The following IFI44L variants were observed in gnomAD, a reference collection of about 807,000 sequenced individuals.
IFI44L encodes interferon induced protein 44 like.
IFI44L carries 40 observed loss-of-function variants against 39.3 expected under a neutral mutation model. That is an observed-to-expected ratio of 1.02 (90% CI 0.79 to 1.33). The LOEUF (loss-of-function observed/expected upper bound fraction) is 1.33, where lower values mean the gene tolerates loss of function less well. Ranked by LOEUF, IFI44L falls within the 40% of genes most tolerant of loss-of-function variation. The probability of loss-of-function intolerance (pLI) is 0.00; values close to 1 mark genes in which losing one functional copy is unlikely to be tolerated. For missense variants in IFI44L, 623 were observed against 549.0 expected (o/e 1.13, Z -1.35); for synonymous variants, 198 against 182.3 (o/e 1.09, Z -0.69).
intron 6 of IFI44L, among the ~76,000 whole-genome samples, chr1:78,638,904 T>G (rs1423547324): frequency 2.0e-5 from 3 of 152,128 alleles, no homozygotes; most frequent in Non-Finnish European, 4.4e-5. Context: ...CTTCGATATT[T>G]TAGGTACTTT....
chr1:78,638,908 G>T (rs1653049296), intron 6 of IFI44L, among the ~76,000 whole-genome samples: 1 of 152,040 alleles, frequency 6.6e-6, no homozygotes, highest in Non-Finnish European at 1.5e-5. Context: ...GATATTTTAG[G>T]TACTTTATTT....
chr1:78,636,599 C>A (rs1231398590), intron 5 of IFI44L: 1 of 152,720 alleles, frequency 6.5e-6, no homozygotes, highest in East Asian at 1.9e-4. Context: ...AAATTACAGT[C>A]TTTTAATTTA....
chr1:78,627,929 C>A lies in IFI44L; in HGVS notation c.14C>A (p.Thr5Lys). The change falls in exon 2 of 9, where the codon ACA becomes AAA. Residue 5 changes from threonine to lysine, a missense_variant. Physicochemically the swap from Thr to Lys is moderately conservative, Grantham distance 78. Coordinates refer to ENST00000370751, the MANE Select transcript of IFI44L (RefSeq NM_006820.4). MEVT[T>K]RLTWNDENHL... ...AGATATAGAACAATGGAAGTGACAA[C>A]AAGATTGACATGGAATGATGAAAAT... The A allele has an allele frequency of 6.3e-7, 1 of 1,593,626 alleles. No homozygotes were observed.
At chr1:78,640,159 T>G (rs1570368262) in intron 6 of IFI44L, among the ~76,000 whole-genome samples, 2 of 152,146 alleles carry the variant, frequency 1.3e-5, no homozygotes, top group East Asian at 3.9e-4. Context: ...CAAGGATGTA[T>G]GGCAACACAT....
In IFI44L at chr1:78,641,881, GA is replaced by G; in HGVS notation, c.*73del. 2 of 1,504,532 alleles carry G rather than the reference GA, an allele frequency of 1.3e-6. No individual in the cohort carries two copies. The highest frequency in any genetic ancestry group is 9.3e-7 in the Non-Finnish European group (1 of 1,080,588). The allele number at this position is 1,504,532 out of a possible 1,614,324, so 93.2% of individuals were successfully genotyped here. ...GCCGCAATGAGAGTCAATCTCTATT[GA>G]CAGCCTGCTTCAGATTTTGCTTTTG... On this transcript the variant is annotated 3_prime_UTR_variant, in exon 9 of 9. Transcript: ENST00000370751.
intron 6 of IFI44L, among the ~76,000 whole-genome samples, chr1:78,639,702 A>G (rs970975683): frequency 6.6e-6 from 1 of 152,102 alleles, no homozygotes; most frequent in Non-Finnish European, 1.5e-5. Context: ...AAGAGGGAAA[A>G]GTGTGTCTAC....
At chr1:78,627,836 G>A (rs2100481635) in intron 1 of IFI44L, 70 bp from the exon 2 acceptor site, 1 of 846,600 alleles carries the variant, frequency 1.2e-6, no homozygotes, top group Non-Finnish European at 1.6e-6. Flanking sequence ...ACTGAAAGTA[G>A]AAGTGGAAAC....
intron 6 of IFI44L, among the ~76,000 whole-genome samples, chr1:78,640,179 C>T (rs930222844): frequency 2.6e-5 from 4 of 152,020 alleles, no homozygotes; most frequent in Admixed American, 1.3e-4. Flanking sequence ...TTGTCCTTGG[C>T]GTGCTGGATG....
At chr1:78,631,145 T>C (rs1022303452) in intron 4 of IFI44L, among the ~76,000 whole-genome samples, 2 of 152,172 alleles carry the variant, frequency 1.3e-5, no homozygotes, top group African/African-American at 4.8e-5. Context: ...GCAAATGTTA[T>C]TTAAATTGAA....
At chr1:78,639,434 C>T (rs1570367363) in intron 6 of IFI44L, among the ~76,000 whole-genome samples, 1 of 152,036 alleles carries the variant, frequency 6.6e-6, no homozygotes, top group East Asian at 1.9e-4. Context: ...TCCTTTTTCT[C>T]ATGCTTTGAC....
chr1:78,623,739 G>A, intron 1 of IFI44L, among the ~76,000 whole-genome samples: 1 of 152,040 alleles, frequency 6.6e-6, no homozygotes, highest in South Asian at 2.1e-4. Flanking sequence ...GGAACTGTGG[G>A]AACTGAGAGA....
rs111336413 is a variant in IFI44L, at chr1:78,645,522, G to A, written c.*3713G>A. 10 of 151,552 alleles carry A rather than the reference G, an allele frequency of 6.6e-5. No homozygotes were observed. Among genetic ancestry groups the A allele is most frequent in the African/African-American group, 2.2e-4 (9 of 40,900 alleles). 9.4% of individuals were successfully genotyped at this position (151,552 alleles called of 1,614,324 possible). The stretch of plus-strand genomic sequence containing the variant: ...AATTTATTTTGACGCAAATTGATAG[G>A]GGGGCCAAGTAAGCCCCATATGCTT... On this transcript the variant is annotated 3_prime_UTR_variant, in exon 9 of 9. Transcript: ENST00000370751.
chr1:78,639,328 G>A (rs145581783), intron 6 of IFI44L, among the ~76,000 whole-genome samples: 102 of 152,184 alleles, frequency 6.7e-4, no homozygotes, highest in African/African-American at 2.4e-3. Context: ...TTGGGAAAGG[G>A]AAGGACATAT....
At chr1:78,636,913 G>C (rs1177127777) in intron 5 of IFI44L, 119 bp from the exon 6 acceptor site, 1 of 705,130 alleles carries the variant, frequency 1.4e-6, no homozygotes, top group African/African-American at 1.9e-5. Flanking sequence ...TTTGGGGAAA[G>C]AGTAGCTGAG....
chr1:78,621,335 G>A (rs963726243), intron 1 of IFI44L, among the ~76,000 whole-genome samples: 5 of 152,224 alleles, frequency 3.3e-5, no homozygotes, highest in Admixed American at 2.0e-4. Context: ...GCAGTGTCTC[G>A]ATGTCGGCTC....
rs1652576642 is a variant in IFI44L, at chr1:78,628,245, GC to G, written c.331del (p.Gln111AsnfsTer22). On this transcript the variant is annotated frameshift_variant, in exon 2 of 9. Coordinates refer to ENST00000370751, the MANE Select transcript of IFI44L (RefSeq NM_006820.4). LOFTEE classifies it high-confidence loss of function. ...LNTAPKIIDE[Q>X]LVCRLSKTDI... ...ATACAGCACCAAAAATTATTGATGA[GC>G]AACTGGTGTGTCGTTTATCGAAAAC... 3 of 1,611,912 alleles carry G rather than the reference GC, an allele frequency of 1.9e-6. No homozygotes were observed. In the African/African-American group the frequency reaches 4.0e-5, roughly 22 times the overall value.
At position 78,629,105 on chromosome 1, in the gene IFI44L, T is replaced by C. The variant is rs187140080; in HGVS notation, c.527+106T>C. The stretch of plus-strand genomic sequence containing the variant: ...GATAAAAATCATGCCACTGGAATGA[T>C]TAAAAAAGAGTTATAATGTTATTGA... On this transcript the variant is annotated intron_variant, in intron 3 of 8. Coordinates refer to ENST00000370751, the MANE Select transcript of IFI44L (RefSeq NM_006820.4). The C allele has an allele frequency of 1.9e-4, 147 of 761,616 alleles. No homozygotes were observed. In the East Asian group the frequency reaches 2.0e-3, roughly 10 times the overall value. 47.2% of individuals were successfully genotyped at this position (761,616 alleles called of 1,614,324 possible). A position where few individuals can be genotyped will look rare whatever the true frequency, so the allele number is the denominator to read the frequency against.
rs1482447659 is a variant in IFI44L, at chr1:78,644,606, C to G, written c.*2797C>G. 1 of 152,040 alleles carries G rather than the reference C, an allele frequency of 6.6e-6. No individual in the cohort carries two copies. Among genetic ancestry groups the G allele is most frequent in the East Asian group, 1.9e-4 (1 of 5,188 alleles). 9.4% of individuals were successfully genotyped at this position (152,040 alleles called of 1,614,324 possible). A position where few individuals can be genotyped will look rare whatever the true frequency, so the allele number is the denominator to read the frequency against. ...GATTTCCCTGATCTTTTTCTACCAC[C>G]CTGAGGGGTGGTGGGAATTATCATT... On this transcript the variant is annotated 3_prime_UTR_variant, in exon 9 of 9. Coordinates refer to ENST00000370751, the MANE Select transcript of IFI44L (RefSeq NM_006820.4).
rs1321471071 is a variant in IFI44L, at chr1:78,643,419, G to A, written c.*1610G>A. The A allele has an allele frequency of 6.6e-6, 1 of 152,058 alleles. No individual in the cohort carries two copies. The highest frequency in any genetic ancestry group is 1.5e-5 in the Non-Finnish European group (1 of 68,016). 9.4% of individuals were successfully genotyped at this position (152,058 alleles called of 1,614,324 possible). ...ACACACCAATATACCAAAACAGCAG[G>A]TATTGCAGTAGAGAAAGAGTTTAAT... On this transcript the variant is annotated 3_prime_UTR_variant, in exon 9 of 9. Transcript: ENST00000370751.
Sources: gnomAD v4.1 joint callset for allele counts (sites outside exome capture counted in the v4.1 genomes callset) on GRCh38, gnomAD v4.1.1 for gene constraint, MANE v1.5 for transcripts, NCBI Gene and HGNC (gene_info 2026-07-23, HGNC 2026-07-21) for gene names.